The following PTPRD variants were observed in gnomAD, a reference collection of about 807,000 sequenced individuals.
PTPRD encodes the protein receptor-type tyrosine-protein phosphatase delta.
A neutral mutation model predicts 214.5 loss-of-function variants in PTPRD; 34 were observed. That is an observed-to-expected ratio of 0.16 (90% CI 0.12 to 0.21). The LOEUF is 0.21. PTPRD is among the 10% of genes least tolerant of loss of function. The pLI is 1.00. For missense variants in PTPRD, 2,545 were observed against 2,398.7 expected (o/e 1.06, Z -1.27); for synonymous variants, 1,128 against 845.7 (o/e 1.33, Z -5.79).
intron 3 of PTPRD, among the ~76,000 whole-genome samples, chr9:10,198,571 C>T (rs1204475783): frequency 1.3e-5 from 2 of 151,998 alleles, no homozygotes; most frequent in African/African-American, 4.8e-5. Flanking sequence ...GAAGCAGGAT[C>T]CATTACAGGA....
Position 9,845,915 on chromosome 9 carries a change from G to C in PTPRD, c.-367-79064C>G, listed in dbSNP as rs116153438. Among the ~76,000 whole-genome samples the C allele has an allele frequency of 2.7e-3, 416 of 152,112 alleles. 1 individual carries two copies. The highest frequency in any genetic ancestry group is 9.7e-3 in the African/African-American group (404 of 41,496). On this transcript the variant is annotated intron_variant, in intron 5 of 45. Transcript: ENST00000381196. ...AGAGGAAGTTAATGACATACACCTG[G>C]AGCAGAGAAGGAGCAGAGTAACTCA...
intron 3 of PTPRD, among the ~76,000 whole-genome samples, chr9:10,062,067 T>G (rs2097786191): frequency 6.6e-6 from 1 of 151,996 alleles, no homozygotes; most frequent in South Asian, 2.1e-4. Flanking sequence ...AATAAAAAAC[T>G]AAAATCGTGA....
At chr9:8,403,646 G>A (rs1010129421) in intron 36 of PTPRD, among the ~76,000 whole-genome samples, 2 of 152,148 alleles carry the variant, frequency 1.3e-5, no homozygotes, top group African/African-American at 4.8e-5. Flanking sequence ...TAGAGTTGAG[G>A]AGCAACCCTC....
chr9:9,287,412 T>G (rs1484191270), intron 9 of PTPRD, among the ~76,000 whole-genome samples: 1 of 151,940 alleles, frequency 6.6e-6, no homozygotes, highest in African/African-American at 2.4e-5. Flanking sequence ...CTAAATTATA[T>G]GTCTCAAGTT....
chr9:8,745,711 T>C lies in PTPRD; in HGVS notation c.-103-11765A>G, dbSNP rs142620949. On this transcript the variant is annotated intron_variant, in intron 11 of 45. Coordinates refer to ENST00000381196, the MANE Select transcript of PTPRD (RefSeq NM_002839.4). ...CACGTTTGTAATTGAACGAATAACA[T>C]GCAGACACATGTTTATACCACCTTA... Among the ~76,000 whole-genome samples, 10 of 152,318 alleles carry C rather than the reference T, an allele frequency of 6.6e-5. No individual in the cohort carries two copies. In the East Asian group the frequency reaches 1.7e-3, roughly 26 times the overall value.
chr9:9,357,286 T>C (rs1252515008), intron 9 of PTPRD, among the ~76,000 whole-genome samples: 3 of 151,364 alleles, frequency 2.0e-5, no homozygotes, highest in African/African-American at 7.3e-5. Flanking sequence ...GGATGTCAAA[T>C]ATTCTTCTTC....
At chr9:8,403,404 A>G (rs550298020) in intron 36 of PTPRD, among the ~76,000 whole-genome samples, 1 of 152,220 alleles carries the variant, frequency 6.6e-6, no homozygotes, top group Non-Finnish European at 1.5e-5. Flanking sequence ...GGCACTAATG[A>G]GGGTGAACAT....
intron 3 of PTPRD, among the ~76,000 whole-genome samples, chr9:10,066,443 A>G (rs2097886602): frequency 6.6e-6 from 1 of 151,762 alleles, no homozygotes; most frequent in African/African-American, 2.4e-5. Context: ...TTATAATTTC[A>G]TTACCAGGTT....
intron 12 of PTPRD, among the ~76,000 whole-genome samples, chr9:8,690,871 C>G (rs559350431): frequency 1.3e-5 from 2 of 152,236 alleles, no homozygotes; most frequent in East Asian, 3.9e-4. Context: ...ACCTAGACCT[C>G]CCTTTTAACA....
chr9:9,901,076 A>G (rs1338710491), intron 5 of PTPRD, among the ~76,000 whole-genome samples: 3 of 152,142 alleles, frequency 2.0e-5, no homozygotes, highest in Admixed American at 6.6e-5. Context: ...TAGCTTCTGG[A>G]AAGTCTTCAG....
chr9:10,591,296 C>G (rs1320528268), intron 2 of PTPRD, among the ~76,000 whole-genome samples: 6 of 151,930 alleles, frequency 3.9e-5, no homozygotes, highest in Non-Finnish European at 2.9e-5. Flanking sequence ...CAGTGGCAGA[C>G]AAATTTAAAG....
rs2096746917 is a variant in PTPRD, at chr9:10,331,346, T to C, written c.-545+9617A>G. On this transcript the variant is annotated intron_variant, in intron 3 of 45. Coordinates refer to ENST00000381196, the MANE Select transcript of PTPRD (RefSeq NM_002839.4). ...ATTGAGAAGACTATTAATAGAAGCT[T>C]GTCTAGCTTGAAGGAGGCTGTCAGT... Among the ~76,000 whole-genome samples the C allele has an allele frequency of 2.6e-5, 4 of 151,822 alleles. No individual in the cohort carries two copies. In the South Asian group the frequency reaches 8.3e-4, roughly 31 times the overall value.
chr9:8,687,855 G>A (rs1260178218), intron 12 of PTPRD, among the ~76,000 whole-genome samples: 2 of 151,860 alleles, frequency 1.3e-5, no homozygotes, highest in Non-Finnish European at 2.9e-5. Context: ...TGGAGATGAT[G>A]AGGTTATTTG....
chr9:10,462,190 G>A (rs2098963951), intron 2 of PTPRD, among the ~76,000 whole-genome samples: 1 of 152,088 alleles, frequency 6.6e-6, no homozygotes, highest in Non-Finnish European at 1.5e-5. Flanking sequence ...AAGTAAATAT[G>A]TGAGCTGACA....
chr9:8,591,847 G>C (rs544831596), intron 14 of PTPRD, among the ~76,000 whole-genome samples: 1 of 151,970 alleles, frequency 6.6e-6, no homozygotes, highest in Non-Finnish European at 1.5e-5. Flanking sequence ...ACCTTCTAAC[G>C]GAATAGCCTT....
At chr9:8,915,117 C>T (rs575356480) in intron 11 of PTPRD, among the ~76,000 whole-genome samples, 3 of 152,196 alleles carry the variant, frequency 2.0e-5, no homozygotes, top group East Asian at 3.9e-4. Flanking sequence ...ATACACAAAA[C>T]TATCCAGAGT....
At chr9:9,640,223 T>G (rs181118799) in intron 7 of PTPRD, among the ~76,000 whole-genome samples, 24 of 152,324 alleles carry the variant, frequency 1.6e-4, no homozygotes, top group Admixed American at 1.3e-3. Flanking sequence ...ATGCATGTGA[T>G]CTAAATATGG....
intron 3 of PTPRD, among the ~76,000 whole-genome samples, chr9:10,107,799 T>C (rs756751310): frequency 2.6e-5 from 4 of 152,126 alleles, no homozygotes; most frequent in Non-Finnish European, 4.4e-5. Flanking sequence ...TCAACTGCAA[T>C]ATGATTAAAC....
rs530347632 is a variant in PTPRD at position 10,575,693 on chromosome 9, G to A, written c.-600+36705C>T. 2.6e-5 allele frequency among the ~76,000 whole-genome samples: 4 copies of A among 152,108 alleles called. No homozygotes were observed. In the East Asian group the frequency reaches 5.8e-4, roughly 22 times the overall value. On this transcript the variant is annotated intron_variant, in intron 2 of 45. Coordinates refer to ENST00000381196, the MANE Select transcript of PTPRD (RefSeq NM_002839.4). ...CAAACCTTATTAAGTGAACTCTCTA[G>A]GTCATATCTTCAAAAGAGACAGGTA...
Sources: gnomAD v4.1 joint callset for allele counts (sites outside exome capture counted in the v4.1 genomes callset) on GRCh38, gnomAD v4.1.1 for gene constraint, MANE v1.5 for transcripts, NCBI Gene and HGNC (gene_info 2026-07-23, HGNC 2026-07-21) for gene names.